DOCK4: variants seen among roughly 807,000 people sequenced by gnomAD.
The protein encoded by DOCK4 is dedicator of cytokinesis protein 4.
DOCK4 carries 97 observed loss-of-function variants against 268.1 expected under a neutral mutation model. The observed-to-expected ratio is 0.36, with a 90% CI of 0.31 to 0.43. The LOEUF (loss-of-function observed/expected upper bound fraction) is 0.43, where lower values mean the gene tolerates loss of function less well. DOCK4 is among the 20% of genes least tolerant of loss of function. The probability of loss-of-function intolerance (pLI) is 1.00; values close to 1 mark genes in which losing one functional copy is unlikely to be tolerated. For missense variants in DOCK4, 2,145 were observed against 2,455.7 expected (o/e 0.87, Z 2.67); for synonymous variants, 954 against 887.2 (o/e 1.08, Z -1.34).
At chr7:112,023,311 T>C (rs1464026318) in intron 1 of DOCK4, among the ~76,000 whole-genome samples, 7 of 152,226 alleles carry the variant, frequency 4.6e-5, no homozygotes, top group South Asian at 4.1e-4. Flanking sequence ...GGGAGAAGCA[T>C]TGAAGCTGTG....
intron 26 of DOCK4, among the ~76,000 whole-genome samples, chr7:111,828,249 C>A (rs562145813): frequency 1.3e-5 from 2 of 152,280 alleles, no homozygotes; most frequent in East Asian, 3.9e-4. Flanking sequence ...TTTGCTCCCA[C>A]ATACTTGTGT....
chr7:112,189,427 C>T (rs1819731919), intron 1 of DOCK4, among the ~76,000 whole-genome samples: 1 of 152,176 alleles, frequency 6.6e-6, no homozygotes, highest in South Asian at 2.1e-4. Context: ...CTGACCATTA[C>T]ATGGTGGCCA....
chr7:112,056,922 CAT>C (rs1236059610), intron 1 of DOCK4, among the ~76,000 whole-genome samples: 1 of 151,970 alleles, frequency 6.6e-6, no homozygotes, highest in Non-Finnish European at 1.5e-5. Context: ...TTTTATTAAA[CAT>C]AACTATATAT....
intron 8 of DOCK4, among the ~76,000 whole-genome samples, chr7:111,963,093 C>T (rs923948928): frequency 6.6e-6 from 1 of 152,126 alleles, no homozygotes; most frequent in Admixed American, 6.5e-5. Flanking sequence ...ACCGATGAAG[C>T]CCTAGAGTAC....
At chr7:112,159,380 A>C (rs1816888577) in intron 1 of DOCK4, among the ~76,000 whole-genome samples, 3 of 151,658 alleles carry the variant, frequency 2.0e-5, no homozygotes, top group Non-Finnish European at 2.9e-5. Flanking sequence ...CGTGTCCACC[A>C]CCTTTATCAC....
Position 111,741,611 on chromosome 7 carries a change from G to A in DOCK4, c.4848C>T (p.Ser1616=), listed in dbSNP as rs1241632422. The A allele has an allele frequency of 1.2e-6, 2 of 1,613,598 alleles. No homozygotes were observed. The highest frequency in any genetic ancestry group is 1.7e-6 in the Non-Finnish European group (2 of 1,179,758). The change falls in exon 46 of 53, where the codon AGC becomes AGT. Residue 1616 remains serine, a synonymous_variant. Coordinates refer to ENST00000428084, the MANE Select transcript of DOCK4 (RefSeq NM_001363540.2). ...QASPVHFPNG[S]PRVCRNSAPA... ...GTGCTGAGTTTCTACACACACGAGG[G>A]CTTCCATTAGGAAAATGGACAGGAC...
At chr7:112,076,590 GC>G (rs1414546361) in intron 1 of DOCK4, among the ~76,000 whole-genome samples, 2 of 152,070 alleles carry the variant, frequency 1.3e-5, no homozygotes, top group Non-Finnish European at 2.9e-5. Context: ...TCTCCAGGTA[GC>G]CAGTTTAATT....
chr7:111,847,635 T>A (rs116031985), intron 23 of DOCK4, among the ~76,000 whole-genome samples: 1 of 152,220 alleles, frequency 6.6e-6, no homozygotes, highest in Non-Finnish European at 1.5e-5. Flanking sequence ...GTAGTGAATA[T>A]GTCTCACAAG....
Position 112,044,724 on chromosome 7 carries a change from G to T in DOCK4, c.38-40593C>A, listed in dbSNP as rs73432750. ...ACAACTCTCTTGCACTAGTTGTTCAGGCCCCAAACCTTTTTTTTTCTCATC... is the reference window on the plus strand; with the variant it reads ...ACAACTCTCTTGCACTAGTTGTTCATGCCCCAAACCTTTTTTTTTCTCATC... On this transcript the variant is annotated intron_variant, in intron 1 of 52. Transcript: ENST00000428084. Among the ~76,000 whole-genome samples the T allele has an allele frequency of 3.1e-3, 465 of 152,132 alleles. 1 individual carries two copies. Among genetic ancestry groups the T allele is most frequent in the African/African-American group, 0.011 (445 of 41,512 alleles).
chr7:111,730,351 C>G (rs1367027186), intron 52 of DOCK4, among the ~76,000 whole-genome samples: 1 of 152,202 alleles, frequency 6.6e-6, no homozygotes, highest in Non-Finnish European at 1.5e-5. Context: ...TAGACCTTTT[C>G]TCCCCCGCTT....
intron 23 of DOCK4, among the ~76,000 whole-genome samples, chr7:111,857,804 A>C (rs1450545957): frequency 6.6e-6 from 1 of 152,188 alleles, no homozygotes; most frequent in Non-Finnish European, 1.5e-5. Flanking sequence ...ACCTCTCTGC[A>C]TCAAATCTAC....
chr7:112,063,823 G>A (rs764808856), intron 1 of DOCK4, among the ~76,000 whole-genome samples: 9 of 152,128 alleles, frequency 5.9e-5, no homozygotes, highest in Non-Finnish European at 1.3e-4. Flanking sequence ...GGGTAGGATC[G>A]GGACATGTAA....
chr7:111,863,357 A>G lies in DOCK4; in HGVS notation c.2473+15T>C, dbSNP rs1357951951. 3 of 1,613,838 alleles carry G rather than the reference A, an allele frequency of 1.9e-6. No homozygotes were observed. The highest frequency in any genetic ancestry group is 1.1e-5 in the South Asian group (1 of 91,074). On this transcript the variant is annotated intron_variant, in intron 23 of 52. Coordinates refer to ENST00000428084, the MANE Select transcript of DOCK4 (RefSeq NM_001363540.2). The stretch of plus-strand genomic sequence containing the variant: ...CTTTTCAGAGGCACAATTTCCTCCA[A>G]GAGACTCACCCTACCTGGGTTGGTA...
intron 30 of DOCK4, among the ~76,000 whole-genome samples, chr7:111,805,985 C>T (rs149930443): frequency 1.7e-4 from 26 of 152,260 alleles, no homozygotes; most frequent in African/African-American, 5.1e-4. Context: ...CAAGCTTTGT[C>T]ATAGTTCAAA....
chr7:112,050,016 G>T (rs993076668), intron 1 of DOCK4, among the ~76,000 whole-genome samples: 10 of 152,034 alleles, frequency 6.6e-5, no homozygotes, highest in Non-Finnish European at 1.2e-4. Flanking sequence ...ACTCAAACTA[G>T]GTAGCTATTT....
chr7:112,145,373 A>G (rs1815371762), intron 1 of DOCK4, among the ~76,000 whole-genome samples: 1 of 152,182 alleles, frequency 6.6e-6, no homozygotes, highest in Non-Finnish European at 1.5e-5. Flanking sequence ...ACATACACAT[A>G]CTAATAAACT....
intron 1 of DOCK4, among the ~76,000 whole-genome samples, chr7:112,105,611 T>A (rs1228634933): frequency 2.0e-5 from 3 of 151,468 alleles, no homozygotes; most frequent in Non-Finnish European, 2.9e-5. Flanking sequence ...TCTTTCTTCT[T>A]TCCTTTTTCC....
At chr7:111,954,844 G>C (rs889997137) in intron 8 of DOCK4, among the ~76,000 whole-genome samples, 1 of 151,970 alleles carries the variant, frequency 6.6e-6, no homozygotes, top group African/African-American at 2.4e-5. Context: ...CTCAGGGTTC[G>C]AACCGATACA....
chr7:112,189,191 G>A (rs1413947013), intron 1 of DOCK4, among the ~76,000 whole-genome samples: 1 of 152,000 alleles, frequency 6.6e-6, no homozygotes, highest in Non-Finnish European at 1.5e-5. Flanking sequence ...TGAAAATGCT[G>A]TTTCTCACCA....
Sources: allele counts gnomAD v4.1 joint callset (sites outside exome capture counted in the v4.1 genomes callset), GRCh38; gene constraint gnomAD v4.1.1; transcripts MANE v1.5; gene names NCBI Gene and HGNC (gene_info 2026-07-23, HGNC 2026-07-21).